SLC16A9: variants seen among roughly 807,000 people sequenced by gnomAD.
The protein encoded by SLC16A9 is solute carrier family 16 member 9, also known as monocarboxylate transporter 9.
Under a neutral mutation model 44.3 loss-of-function variants are expected in SLC16A9, and 26 were observed. The ratio of observed to expected loss-of-function variants is 0.59; its 90% CI spans 0.43 to 0.81. SLC16A9 has a LOEUF of 0.81. SLC16A9 is among the 40% of genes least tolerant of loss of function. The probability of loss-of-function intolerance (pLI) is 0.00; values close to 1 mark genes in which losing one functional copy is unlikely to be tolerated. For synonymous variants in SLC16A9, 230 were observed against 225.1 expected, an observed-to-expected ratio of 1.02 and a Z score of -0.19; for missense variants, 559 against 595.8, an observed-to-expected ratio of 0.94 and a Z score of 0.64.
intron 1 of SLC16A9, among the ~76,000 whole-genome samples, chr10:59,694,037 A>C (rs922631801): frequency 6.6e-6 from 1 of 151,812 alleles, no homozygotes; most frequent in Non-Finnish European, 1.5e-5. Context: ...TCCCGGGTTC[A>C]GGCCATTCTC....
At chr10:59,667,554 T>C (rs1364675522) in intron 3 of SLC16A9, among the ~76,000 whole-genome samples, 1 of 152,226 alleles carries the variant, frequency 6.6e-6, no homozygotes, top group Non-Finnish European at 1.5e-5. Context: ...GCTAAACAAA[T>C]ATTTTTAAGT....
In SLC16A9 at chr10:59,653,909, A is replaced by T; in HGVS notation, c.1117T>A (p.Tyr373Asn). The change falls in exon 5 of 6, where the codon TAT becomes AAT. Residue 373 changes from tyrosine to asparagine, a missense_variant. Coordinates refer to ENST00000395348, the MANE Select transcript of SLC16A9 (RefSeq NM_194298.3). Reference protein sequence around the residue: ...LADFKWINTLYLYVATLIIMG... With the variant: ...LADFKWINTLNLYVATLIIMG... Reference sequence around the variant, plus strand: ...ATGATTAAGGTAGCAACATAAAGATACAAGGTATTAATCCACTTGAAGTCA... The same window carrying T: ...ATGATTAAGGTAGCAACATAAAGATTCAAGGTATTAATCCACTTGAAGTCA... 1 of 1,614,194 alleles carries T rather than the reference A, an allele frequency of 6.2e-7. No homozygotes were observed. The highest frequency in any genetic ancestry group is 8.5e-7 in the Non-Finnish European group (1 of 1,180,034).
At chr10:59,655,856 C>T (rs191272794) in intron 4 of SLC16A9, among the ~76,000 whole-genome samples, 2 of 152,232 alleles carry the variant, frequency 1.3e-5, no homozygotes, top group African/African-American at 4.8e-5. Flanking sequence ...GCCAATAGGA[C>T]CAAGCTCAGA....
At chr10:59,705,088 A>AT (rs1436687495) in intron 1 of SLC16A9, among the ~76,000 whole-genome samples, 2 of 151,822 alleles carry the variant, frequency 1.3e-5, no homozygotes, top group Admixed American at 6.6e-5. Flanking sequence ...TGTTGCTAAC[A>AT]TTTTTTTTCG....
intron 2 of SLC16A9, among the ~76,000 whole-genome samples, chr10:59,681,527 G>A (rs1171596): frequency 1.0e-5 from 1 of 95,308 alleles, no homozygotes; most frequent in African/African-American, 4.6e-5. Context: ...ATGTATATGT[G>A]TATGTGTATG....
chr10:59,672,916 A>G lies in SLC16A9; in HGVS notation c.197-3T>C, dbSNP rs761906029. On this transcript the variant is annotated splice_region_variant and splice_polypyrimidine_tract_variant and intron_variant, in intron 2 of 5. Coordinates refer to ENST00000395348, the MANE Select transcript of SLC16A9 (RefSeq NM_194298.3). Reference sequence around the variant, plus strand: ...GACACAGAGACTGCAGACAGGACCTAAAAAAAGAAATGAAACCTTCACTTA... The same window carrying G: ...GACACAGAGACTGCAGACAGGACCTGAAAAAAGAAATGAAACCTTCACTTA... The G allele has an allele frequency of 6.3e-7, 1 of 1,595,890 alleles. No individual in the cohort carries two copies. The highest frequency in any genetic ancestry group is 8.5e-7 in the Non-Finnish European group (1 of 1,174,374).
At chr10:59,653,444 A>AAAAAAAAAAC (rs1564693243) in intron 5 of SLC16A9, among the ~76,000 whole-genome samples, 1 of 149,022 alleles carries the variant, frequency 6.7e-6, no homozygotes, top group Non-Finnish European at 1.5e-5. Context: ...AAAAAAAAAA[A>AAAAAAAAAAC]AGCAGGCATT....
intron 3 of SLC16A9, among the ~76,000 whole-genome samples, chr10:59,671,411 A>G (rs1199623965): frequency 6.6e-6 from 1 of 152,218 alleles, no homozygotes; most frequent in Non-Finnish European, 1.5e-5. Flanking sequence ...TACACTGAGG[A>G]AAGTGAAATA....
At chr10:59,704,148 G>A (rs1353244634) in intron 1 of SLC16A9, among the ~76,000 whole-genome samples, 1 of 152,146 alleles carries the variant, frequency 6.6e-6, no homozygotes, top group Non-Finnish European at 1.5e-5. Context: ...CTGGAACTGA[G>A]TAAGTCTGGC....
rs372622560 is a variant in SLC16A9 at position 59,654,601 on chromosome 10, A to G, written c.437-12T>C. On this transcript the variant is annotated splice_polypyrimidine_tract_variant and intron_variant, in intron 4 of 5. Transcript: ENST00000395348. ...GCCAACGCTTGAACCTAAAAAGGGAATGGGAACTGTTCAACCTCGTAATCT... is the reference window on the plus strand; with the variant it reads ...GCCAACGCTTGAACCTAAAAAGGGAGTGGGAACTGTTCAACCTCGTAATCT... 1.9e-6 allele frequency: 3 copies of G among 1,555,392 alleles called. No individual in the cohort carries two copies. In the African/African-American group the frequency reaches 4.1e-5, roughly 21 times the overall value.
intron 3 of SLC16A9, among the ~76,000 whole-genome samples, chr10:59,668,238 T>A (rs1173636547): frequency 6.6e-6 from 1 of 152,208 alleles, no homozygotes; most frequent in Non-Finnish European, 1.5e-5. Context: ...TTACATACCA[T>A]GCTTTGACAT....
At position 59,652,918 on chromosome 10, in the gene SLC16A9, T is replaced by TATC; in HGVS notation, c.1381_1383dup (p.Asp461dup). On this transcript the variant is annotated inframe_insertion, in exon 6 of 6. Transcript: ENST00000395348. ...CAGAAGCCACTAAAATAAAATGCAATATCATAGGTCTGGGTCCAGTCATAA... is the reference window on the plus strand; with the variant it reads ...CAGAAGCCACTAAAATAAAATGCAATATCATCATAGGTCTGGGTCCAGTCATAA... The TATC allele has an allele frequency of 6.2e-7, 1 of 1,612,792 alleles. No individual in the cohort carries two copies. The highest frequency in any genetic ancestry group is 1.7e-5 in the Admixed American group (1 of 59,690).
intron 1 of SLC16A9, among the ~76,000 whole-genome samples, chr10:59,687,454 G>A (rs1246989819): frequency 6.6e-6 from 1 of 152,102 alleles, no homozygotes; most frequent in Non-Finnish European, 1.5e-5. Context: ...ATAGGAAGAT[G>A]GTCATACAAT....
chr10:59,663,043 A>G (rs574237398), intron 4 of SLC16A9, among the ~76,000 whole-genome samples: 5 of 152,318 alleles, frequency 3.3e-5, no homozygotes, highest in East Asian at 1.9e-4. Context: ...ACGTCCATCA[A>G]TGTTAGACTG....
At chr10:59,671,930 A>C (rs1283488996) in intron 3 of SLC16A9, among the ~76,000 whole-genome samples, 2 of 152,226 alleles carry the variant, frequency 1.3e-5, no homozygotes, top group East Asian at 3.8e-4. Context: ...GCATATGATA[A>C]GTACACAGTG....
At chr10:59,695,805 T>C (rs1041943801) in intron 1 of SLC16A9, among the ~76,000 whole-genome samples, 5 of 152,214 alleles carry the variant, frequency 3.3e-5, no homozygotes, top group Non-Finnish European at 7.4e-5. Flanking sequence ...ATTCAGGGTT[T>C]CCGAGGTCAA....
At chr10:59,662,009 T>G (rs1839486119) in intron 4 of SLC16A9, among the ~76,000 whole-genome samples, 1 of 152,054 alleles carries the variant, frequency 6.6e-6, no homozygotes, top group South Asian at 2.1e-4. Context: ...GATTTAAATA[T>G]AAGACCTAAA....
intron 3 of SLC16A9, among the ~76,000 whole-genome samples, chr10:59,664,950 A>G (rs2132429684): frequency 6.6e-6 from 1 of 152,260 alleles, no homozygotes; most frequent in Admixed American, 6.5e-5. Context: ...CAAAAAAAGG[A>G]AGCACATACA....
intron 1 of SLC16A9, among the ~76,000 whole-genome samples, chr10:59,695,314 A>G (rs1237765208): frequency 6.6e-6 from 1 of 152,318 alleles, no homozygotes; most frequent in East Asian, 1.9e-4. Context: ...ATTATATGTA[A>G]TTTATAATTT....
Sources: gnomAD v4.1 joint callset for allele counts (sites outside exome capture counted in the v4.1 genomes callset) on GRCh38, gnomAD v4.1.1 for gene constraint, MANE v1.5 for transcripts, NCBI Gene and HGNC (gene_info 2026-07-23, HGNC 2026-07-21) for gene names.